CUL1: variants seen among roughly 807,000 people sequenced by gnomAD.
CUL1 encodes cullin 1.
In CUL1, 24 loss-of-function variants were observed where a neutral mutation model predicts 118.0. The observed-to-expected ratio is 0.20, with a 90% CI of 0.15 to 0.29. The LOEUF is 0.29. Among genes scored for constraint, CUL1 ranks in the 10% least tolerant of loss-of-function variants. The pLI is 1.00. For synonymous variants in CUL1, 332 were observed against 340.4 expected (o/e 0.98, Z 0.27); for missense variants, 361 against 933.8 (o/e 0.39, Z 7.99).
chr7:148,736,200 A>G (rs1171533292), intron 2 of CUL1, among the ~76,000 whole-genome samples: 1 of 152,200 alleles, frequency 6.6e-6, no homozygotes, highest in Non-Finnish European at 1.5e-5. Flanking sequence ...AAACATTGTT[A>G]AGAAATGACT....
intron 2 of CUL1, among the ~76,000 whole-genome samples, chr7:148,738,881 A>G (rs965342356): frequency 6.6e-6 from 1 of 151,818 alleles, no homozygotes; most frequent in African/African-American, 2.4e-5. Flanking sequence ...TCGTTTTTCT[A>G]CTCTTCTAAA....
In CUL1 at chr7:148,787,185, G is replaced by A. The variant is rs1354789789; in HGVS notation, c.1479+65G>A. 1.5e-5 allele frequency: 23 copies of A among 1,548,400 alleles called. No individual in the cohort carries two copies. The highest frequency in any genetic ancestry group is 1.8e-5 in the Admixed American group (1 of 56,574). On this transcript the variant is annotated intron_variant, in intron 13 of 21. Transcript: ENST00000325222. The surrounding 1 kb of genome is among the most constrained non-coding windows in gnomAD (Gnocchi z 5.5). ...TCATTATTAAAACAGCTCTATGGCC[G>A]AGCGCGGTGGCTCATGCCTGTAATC...
intron 1 of CUL1, among the ~76,000 whole-genome samples, chr7:148,726,088 A>G (rs1798573038): frequency 6.6e-6 from 1 of 152,224 alleles, no homozygotes; most frequent in South Asian, 2.1e-4. Flanking sequence ...CAGCAAGTAA[A>G]CTTGACGAGT....
chr7:148,777,953 C>A (rs894736895), intron 9 of CUL1, among the ~76,000 whole-genome samples: 3 of 150,536 alleles, frequency 2.0e-5, no homozygotes, highest in African/African-American at 7.3e-5. Flanking sequence ...ATCTCAGCTA[C>A]TTGGGAGGCT....
At chr7:148,714,036 A>G (rs1037524044) in intron 1 of CUL1, among the ~76,000 whole-genome samples, 6 of 152,206 alleles carry the variant, frequency 3.9e-5, no homozygotes, top group Admixed American at 1.3e-4. Flanking sequence ...GTGTATATTT[A>G]TATAATTAGA....
intron 1 of CUL1, among the ~76,000 whole-genome samples, chr7:148,710,340 C>T (rs1413130282): frequency 1.3e-5 from 2 of 152,052 alleles, no homozygotes; most frequent in Non-Finnish European, 2.9e-5. Context: ...GAGGCCAAGG[C>T]GAGCGGATCA....
rs377494262 is a variant in CUL1 at position 148,795,126 on chromosome 7, C to T, written c.1899+2308C>T. ...GGGATTATAGGCGTGAGCCACCGTG[C>T]CTGGCAGAGTTGTTTTCTTAATTTC... On this transcript the variant is annotated intron_variant, in intron 17 of 21. Transcript: ENST00000325222. Among the ~76,000 whole-genome samples the T allele has an allele frequency of 2.4e-4, 37 of 151,732 alleles. 1 individual carries two copies. Among genetic ancestry groups the T allele is most frequent in the African/African-American group, 8.2e-4 (34 of 41,364 alleles).
chr7:148,769,142 G>T (rs1026964512), intron 9 of CUL1, among the ~76,000 whole-genome samples: 5 of 152,074 alleles, frequency 3.3e-5, no homozygotes, highest in African/African-American at 1.2e-4. Flanking sequence ...CCCTTGGCGA[G>T]TTACTTCTGT....
intron 2 of CUL1, among the ~76,000 whole-genome samples, chr7:148,747,117 A>G (rs1799331472): frequency 1.3e-5 from 2 of 152,174 alleles, no homozygotes; most frequent in South Asian, 4.1e-4. Context: ...AATATTCCAG[A>G]TTTTACTTCA....
chr7:148,791,607 C>G (rs1241965008), intron 16 of CUL1, among the ~76,000 whole-genome samples: 1 of 152,220 alleles, frequency 6.6e-6, no homozygotes, highest in African/African-American at 2.4e-5. Flanking sequence ...GGAGCGGGCC[C>G]AATAGAAAAC....
chr7:148,789,967 A>G, intron 15 of CUL1, 141 bp downstream of exon 15: 5 of 799,558 alleles, frequency 6.3e-6, no homozygotes, highest in Non-Finnish European at 1.1e-5. Context: ...GGCAACACTC[A>G]GGGAAGAGCC....
At chr7:148,703,306 G>A (rs1005341421) in intron 1 of CUL1, among the ~76,000 whole-genome samples, 2 of 152,144 alleles carry the variant, frequency 1.3e-5, no homozygotes, top group East Asian at 1.9e-4. Flanking sequence ...GCATAGACAC[G>A]AACAGTTCTG....
chr7:148,754,193 T>C (rs180743398), intron 3 of CUL1, 43 bp downstream of exon 3: 1 of 1,290,892 alleles, frequency 7.7e-7, no homozygotes, highest in Non-Finnish European at 1.1e-6. Flanking sequence ...TAACAGGATA[T>C]AAAAAAAGTG....
At chr7:148,780,579 A>G (rs774905389) in intron 9 of CUL1, among the ~76,000 whole-genome samples, 1 of 152,208 alleles carries the variant, frequency 6.6e-6, no homozygotes, top group East Asian at 1.9e-4. Flanking sequence ...CATTCGTGAC[A>G]TAGGCTTTGG....
At chr7:148,734,846 C>T (rs1354548992) in intron 2 of CUL1, among the ~76,000 whole-genome samples, 1 of 152,124 alleles carries the variant, frequency 6.6e-6, no homozygotes, top group Non-Finnish European at 1.5e-5. Flanking sequence ...GTCTTGTTTC[C>T]AGGTCAGGTA....
intron 1 of CUL1, among the ~76,000 whole-genome samples, chr7:148,727,685 G>C (rs1195086863): frequency 1.3e-5 from 2 of 152,086 alleles, no homozygotes; most frequent in African/African-American, 4.8e-5. Context: ...ACTTGAAGAA[G>C]GGGAGGAACT....
intron 2 of CUL1, among the ~76,000 whole-genome samples, chr7:148,734,360 T>C (rs1181680241): frequency 6.6e-6 from 1 of 152,208 alleles, no homozygotes; most frequent in South Asian, 2.1e-4. Context: ...TCACCCCGCC[T>C]CAGCCTCCAA....
In CUL1 at chr7:148,743,661, TG is replaced by T. The variant is rs763489225; in HGVS notation, c.141-10312del. Among the ~76,000 whole-genome samples, 4 of 152,168 alleles carry T rather than the reference TG, an allele frequency of 2.6e-5. No homozygotes were observed. In the East Asian group the frequency reaches 7.7e-4, roughly 29 times the overall value. ...GCTCACATCTGTAATCCCAGCACAT[TG>T]GGAGGCCAAGGCGGGCAGATCGCCG... On this transcript the variant is annotated intron_variant, in intron 2 of 21. Coordinates refer to ENST00000325222, the MANE Select transcript of CUL1 (RefSeq NM_003592.3).
In CUL1 at chr7:148,702,013, C is replaced by G. The variant is rs544671107; in HGVS notation, c.-162+2984C>G. Among the ~76,000 whole-genome samples, 76 of 152,238 alleles carry G rather than the reference C, an allele frequency of 5.0e-4. 1 individual carries two copies. Among genetic ancestry groups the G allele is most frequent in the African/African-American group, 1.8e-3 (74 of 41,546 alleles). ...TTTTAAGGGCCAATTCTAAGGTTGC[C>G]TTGCTTTTTAAAAACATTTGGTAGT... On this transcript the variant is annotated intron_variant, in intron 1 of 21. Transcript: ENST00000325222.
Sources: gnomAD v4.1 joint callset for allele counts (sites outside exome capture counted in the v4.1 genomes callset) on GRCh38, gnomAD v4.1.1 for gene constraint, Gnocchi (gnomAD v3.1) non-coding constraint, MANE v1.5 for transcripts, NCBI Gene and HGNC (gene_info 2026-07-23, HGNC 2026-07-21) for gene names.